The following DPYS variants were observed in gnomAD, a reference collection of about 807,000 sequenced individuals.
DPYS encodes dihydropyrimidine amidohydrolase.
A neutral mutation model predicts 50.3 loss-of-function variants in DPYS; 39 were observed. That is an observed-to-expected ratio of 0.78 (90% CI 0.60 to 1.01). The LOEUF is 1.01. Ranked by LOEUF, DPYS falls within the 50% of genes least tolerant of loss-of-function variation. The probability of loss-of-function intolerance (pLI) is 0.00; values close to 1 mark genes in which losing one functional copy is unlikely to be tolerated. For synonymous variants in DPYS, 245 were observed against 250.7 expected, an observed-to-expected ratio of 0.98 and a Z score of 0.22; for missense variants, 659 against 680.9, an observed-to-expected ratio of 0.97 and a Z score of 0.36.
At chr8:104,403,335 G>A (rs1057048283) in intron 7 of DPYS, among the ~76,000 whole-genome samples, 3 of 152,150 alleles carry the variant, frequency 2.0e-5, no homozygotes, top group Non-Finnish European at 4.4e-5. Context: ...TTCTAATAGA[G>A]CTATAACACT....
chr8:104,424,217 A>C lies in DPYS; in HGVS notation c.1235+30T>G, dbSNP rs574261860. On this transcript the variant is annotated intron_variant, in intron 7 of 9. Coordinates refer to ENST00000351513, the MANE Select transcript of DPYS (RefSeq NM_001385.3). Reference sequence around the variant, plus strand: ...AAGTTAGTGCATTTTCTCCACAATGAAGCCAAGGAATACAAGAACTTAGAC... The same window carrying C: ...AAGTTAGTGCATTTTCTCCACAATGCAGCCAAGGAATACAAGAACTTAGAC... The C allele has an allele frequency of 3.1e-6, 5 of 1,614,060 alleles. No individual in the cohort carries two copies. In the African/African-American group the frequency reaches 6.7e-5, roughly 22 times the overall value.
At chr8:104,459,943 C>T (rs1225354771) in intron 1 of DPYS, among the ~76,000 whole-genome samples, 1 of 152,184 alleles carries the variant, frequency 6.6e-6, no homozygotes, top group Non-Finnish European at 1.5e-5. Flanking sequence ...TAAGTGCCTG[C>T]TCCGCCTTCC....
At chr8:104,458,627 A>G (rs897626306) in intron 1 of DPYS, among the ~76,000 whole-genome samples, 12 of 152,228 alleles carry the variant, frequency 7.9e-5, no homozygotes, top group African/African-American at 2.9e-4. Context: ...AAGGAAGAGA[A>G]GGACCAGTGA....
At chr8:104,396,374 G>T (rs1811585886) in intron 7 of DPYS, among the ~76,000 whole-genome samples, 1 of 152,072 alleles carries the variant, frequency 6.6e-6, no homozygotes, top group Non-Finnish European at 1.5e-5. Context: ...GAGGAAAAAA[G>T]AAATTCTTAA....
intron 4 of DPYS, among the ~76,000 whole-genome samples, chr8:104,440,126 T>G (rs543474136): frequency 8.1e-5 from 11 of 135,654 alleles, no homozygotes; most frequent in African/African-American, 2.9e-4. Context: ...TAAAAGAGAT[T>G]AAAATACTAC....
At chr8:104,385,481 C>T (rs754700509) in intron 8 of DPYS, among the ~76,000 whole-genome samples, 6 of 152,140 alleles carry the variant, frequency 3.9e-5, no homozygotes, top group Non-Finnish European at 8.8e-5. Context: ...TTTTTTCCCC[C>T]CAGTACATGC....
chr8:104,461,120 C>A (rs866610935), intron 1 of DPYS, among the ~76,000 whole-genome samples: 478 of 111,972 alleles, frequency 4.3e-3, no homozygotes, highest in Admixed American at 5.7e-3. Flanking sequence ...CCTGTCTCTA[C>A]AAAAAAAAAA....
intron 7 of DPYS, among the ~76,000 whole-genome samples, chr8:104,411,590 A>G (rs975401237): frequency 6.6e-6 from 1 of 152,110 alleles, no homozygotes; most frequent in African/African-American, 2.4e-5. Context: ...GAGCATTGCA[A>G]ATATACAAAA....
intron 7 of DPYS, among the ~76,000 whole-genome samples, chr8:104,404,144 T>C (rs1433768208): frequency 1.3e-5 from 2 of 152,198 alleles, no homozygotes; most frequent in Non-Finnish European, 2.9e-5. Context: ...ATTATTATTA[T>C]TATTATCCCT....
At position 104,404,675 on chromosome 8, in the gene DPYS, A is replaced by AAAT. The variant is rs371445667; in HGVS notation, c.1236-11685_1236-11684insATT. ...TTGGATATTCAATGACAGGAGTCTG[A>AAAT]CCTCAAATTTCTAAACCAGAGGTTG... On this transcript the variant is annotated intron_variant, in intron 7 of 9. Transcript: ENST00000351513. 1.4e-3 allele frequency among the ~76,000 whole-genome samples: 209 copies of AAAT among 152,394 alleles called. 1 individual carries two copies. Among genetic ancestry groups the AAAT allele is most frequent in the East Asian group, 4.4e-3 (23 of 5,192 alleles).
intron 4 of DPYS, 31 bp downstream of exon 4, chr8:104,444,217 A>T: frequency 6.2e-7 from 1 of 1,613,030 alleles, no homozygotes; most frequent in Non-Finnish European, 8.5e-7. Context: ...GCTAACACTG[A>T]GTTCTAAGTG....
In DPYS at chr8:104,431,744, G is replaced by A. The variant is rs375671655; in HGVS notation, c.794-2043C>T. 1.8e-4 allele frequency among the ~76,000 whole-genome samples: 28 copies of A among 152,148 alleles called. No homozygotes were observed. In the South Asian group the frequency reaches 4.4e-3, roughly 24 times the overall value. ...ACAATCTCATTTGACCTTCATAGCC[G>A]CCTTCATGCTGGTTTGACAGATGAA... On this transcript the variant is annotated intron_variant, in intron 4 of 9. Coordinates refer to ENST00000351513, the MANE Select transcript of DPYS (RefSeq NM_001385.3).
intron 2 of DPYS, 96 bp downstream of exon 2, chr8:104,451,150 G>A: frequency 1.3e-6 from 2 of 1,518,348 alleles, no homozygotes; most frequent in Non-Finnish European, 1.8e-6. Context: ...CTGTCCTCCT[G>A]TTGTCTAGGA....
intron 4 of DPYS, among the ~76,000 whole-genome samples, chr8:104,441,127 T>C (rs1490521465): frequency 6.6e-6 from 1 of 152,230 alleles, no homozygotes; most frequent in Admixed American, 6.5e-5. Flanking sequence ...ACTATTTTAT[T>C]CTGAAGCAAT....
chr8:104,439,929 C>A (rs945800482), intron 4 of DPYS, among the ~76,000 whole-genome samples: 19 of 152,128 alleles, frequency 1.2e-4, no homozygotes, highest in South Asian at 2.1e-4. Context: ...GACTTGAATT[C>A]CAAGTTTAGC....
chr8:104,381,533 C>T lies in DPYS; in HGVS notation c.1444-219G>A. ...TATTAATCTGCCTCAGACAGAGGCC[C>T]AGGGACACTCACTGGGGCCTCTGCC... On this transcript the variant is annotated intron_variant, in intron 8 of 9. Transcript: ENST00000351513. The T allele has an allele frequency of 6.0e-6, 3 of 496,240 alleles. No homozygotes were observed. In the South Asian group the frequency reaches 6.1e-5, roughly 10 times the overall value. 30.7% of individuals were successfully genotyped at this position (496,240 alleles called of 1,614,324 possible). A position where few individuals can be genotyped will look rare whatever the true frequency, so the allele number is the denominator to read the frequency against.
chr8:104,397,845 T>C (rs1811643850), intron 7 of DPYS, among the ~76,000 whole-genome samples: 1 of 152,238 alleles, frequency 6.6e-6, no homozygotes. Context: ...GTTATATTTG[T>C]AACCCTGCCA....
chr8:104,385,911 A>T (rs1011987446), intron 8 of DPYS, among the ~76,000 whole-genome samples: 7 of 152,314 alleles, frequency 4.6e-5, no homozygotes, highest in Non-Finnish European at 8.8e-5. Flanking sequence ...GTCAGCCAAT[A>T]AATGTCTGTT....
intron 2 of DPYS, among the ~76,000 whole-genome samples, chr8:104,448,243 C>T (rs1351327219): frequency 6.6e-6 from 1 of 151,672 alleles, no homozygotes; most frequent in Non-Finnish European, 1.5e-5. Flanking sequence ...GCAACCTCCA[C>T]CTCCCAGATT....
Sources: allele counts gnomAD v4.1 joint callset (sites outside exome capture counted in the v4.1 genomes callset), GRCh38; gene constraint gnomAD v4.1.1; transcripts MANE v1.5; gene names NCBI Gene and HGNC (gene_info 2026-07-23, HGNC 2026-07-21).